The following PATE1 variants were observed in gnomAD, a reference collection of about 807,000 sequenced individuals.
The protein encoded by PATE1 is prostate and testis expressed protein 1.
A neutral mutation model predicts 13.1 loss-of-function variants in PATE1; 21 were observed. That is an observed-to-expected ratio of 1.61 (90% CI 1.14 to 2.31). PATE1 has a LOEUF of 2.31. PATE1 is among the 30% of genes most tolerant of loss of function. The probability of loss-of-function intolerance (pLI) is 0.00; values close to 1 mark genes in which losing one functional copy is unlikely to be tolerated. For missense variants in PATE1, 166 were observed against 147.2 expected, an observed-to-expected ratio of 1.13 and a Z score of -0.66; for synonymous variants, 52 against 47.1, an observed-to-expected ratio of 1.10 and a Z score of -0.43.
chr11:125,747,850 A>G, intron 4 of PATE1, 28 bp downstream of exon 4: 1 of 1,613,056 alleles, frequency 6.2e-7, no homozygotes, highest in Non-Finnish European at 8.5e-7. Flanking sequence ...GAAAAGAAGA[A>G]CGGGCAGAGG....
chr11:125,747,059 C>T (rs1382824080), intron 2 of PATE1, among the ~76,000 whole-genome samples: 2 of 152,106 alleles, frequency 1.3e-5, no homozygotes, highest in Non-Finnish European at 2.9e-5. Flanking sequence ...GGTAAGAGTG[C>T]CACACAGAGT....
Sources: gnomAD v4.1 joint callset for allele counts (sites outside exome capture counted in the v4.1 genomes callset) on GRCh38, gnomAD v4.1.1 for gene constraint, MANE v1.5 for transcripts, NCBI Gene and HGNC (gene_info 2026-07-23, HGNC 2026-07-21) for gene names.